GSE1: variants seen among roughly 807,000 people sequenced by gnomAD.
GSE1 encodes the protein Gse1 coiled-coil protein.
GSE1 carries 32 observed loss-of-function variants against 112.6 expected under a neutral mutation model. The ratio of observed to expected loss-of-function variants is 0.28; its 90% CI spans 0.21 to 0.38. GSE1 has a LOEUF of 0.38. GSE1 is among the 10% of genes least tolerant of loss of function. The pLI is 1.00. For missense variants in GSE1, 2,348 were observed against 1,699.2 expected, an observed-to-expected ratio of 1.38 and a Z score of -6.71; for synonymous variants, 1,115 against 735.6, an observed-to-expected ratio of 1.52 and a Z score of -8.35.
At position 85,586,488 on chromosome 16, in the gene GSE1, C is replaced by T. The variant is rs1287357654; in HGVS notation, c.37+30125C>T. 6.6e-5 allele frequency among the ~76,000 whole-genome samples: 10 copies of T among 152,206 alleles called. No homozygotes were observed. The East Asian group carries it at 7.7e-4, about 12-fold the overall frequency. On this transcript the variant is annotated intron_variant, in intron 1 of 2. Coordinates refer to the GSE1 transcript ENST00000635906. ...CTGTTTCATGAGCGTCATCATCGGT[C>T]GGCCCTGGTATGTTTGTTCTTCCAG...
chr16:85,217,225 G>A (rs2075319306), intron 1 of GSE1, among the ~76,000 whole-genome samples: 1 of 152,252 alleles, frequency 6.6e-6, no homozygotes, highest in African/African-American at 2.4e-5. Context: ...AGCAAATGCT[G>A]CACATTGGGA....
chr16:85,559,825 G>A (rs1265126172), intron 1 of GSE1, among the ~76,000 whole-genome samples: 1 of 152,226 alleles, frequency 6.6e-6, no homozygotes, highest in Non-Finnish European at 1.5e-5. Context: ...TTGGCACACA[G>A]CCACGCCTGT....
At chr16:85,669,906 G>A (rs957081279) in intron 14 of GSE1, among the ~76,000 whole-genome samples, 32 of 152,140 alleles carry the variant, frequency 2.1e-4, no homozygotes, top group African/African-American at 6.5e-4. Flanking sequence ...CATGACCTGC[G>A]CTGACCCCCT....
At chr16:85,275,875 C>T (rs904917375) in intron 1 of GSE1, among the ~76,000 whole-genome samples, 9 of 152,220 alleles carry the variant, frequency 5.9e-5, no homozygotes, top group African/African-American at 1.7e-4. Flanking sequence ...TGCCTGTTGG[C>T]GGTCTCTGCT....
At chr16:85,620,840 T>C (rs1284822649) in intron 1 of GSE1, among the ~76,000 whole-genome samples, 2 of 151,996 alleles carry the variant, frequency 1.3e-5, no homozygotes, top group Non-Finnish European at 2.9e-5. Flanking sequence ...GCCGTGTAGA[T>C]GGTCTTGGCC....
chr16:85,344,463 T>G (rs1046223004), intron 1 of GSE1, among the ~76,000 whole-genome samples: 5 of 152,190 alleles, frequency 3.3e-5, no homozygotes, highest in African/African-American at 1.2e-4. Flanking sequence ...GCTGCCCTCC[T>G]GAGAAGCTGT....
chr16:85,234,193 A>G (rs1904363601), intron 1 of GSE1, among the ~76,000 whole-genome samples: 1 of 151,990 alleles, frequency 6.6e-6, no homozygotes, highest in Non-Finnish European at 1.5e-5. Context: ...GCCCTCCTAT[A>G]TTTGCCCCTT....
intron 1 of GSE1, among the ~76,000 whole-genome samples, chr16:85,598,181 T>G (rs2047316788): frequency 1.4e-5 from 2 of 147,444 alleles, no homozygotes; most frequent in South Asian, 2.2e-4. Flanking sequence ...TTTTTTTTTT[T>G]TTTTTTTTTT....
intron 1 of GSE1, among the ~76,000 whole-genome samples, chr16:85,304,605 GGGGT>G (rs2045620001): frequency 7.7e-6 from 1 of 130,058 alleles, no homozygotes; most frequent in African/African-American, 3.1e-5. Flanking sequence ...CGGGGGCGGG[GGGGT>G]GGGGCATCCC....
At chr16:85,325,987 T>C (rs2046219536) in intron 1 of GSE1, among the ~76,000 whole-genome samples, 1 of 152,114 alleles carries the variant, frequency 6.6e-6, no homozygotes, top group African/African-American at 2.4e-5. Flanking sequence ...GACCTCATGA[T>C]CCACCCGCCT....
chr16:85,647,124 C>T (rs1390118849), intron 2 of GSE1, among the ~76,000 whole-genome samples: 3 of 152,214 alleles, frequency 2.0e-5, no homozygotes, highest in Non-Finnish European at 2.9e-5. Context: ...TCCCCGTCCT[C>T]CCCGGTCCAA....
chr16:85,281,634 C>T (rs2151423899), intron 1 of GSE1, among the ~76,000 whole-genome samples: 1 of 152,252 alleles, frequency 6.6e-6, no homozygotes, highest in South Asian at 2.1e-4. Flanking sequence ...AAAGAGAAAA[C>T]CCTAGAAGAA....
chr16:85,476,761 A>C (rs1597875921), intron 2 of GSE1, among the ~76,000 whole-genome samples: 1 of 142,296 alleles, frequency 7.0e-6, no homozygotes, highest in South Asian at 2.3e-4. Flanking sequence ...GGCGTGCACC[A>C]CCACGCCTGA....
chr16:85,613,247 G>C (rs1490394571), upstream of GSE1: 5 of 1,521,458 alleles, frequency 3.3e-6, no homozygotes, highest in South Asian at 1.2e-5. Flanking sequence ...GGTGTTTCTT[G>C]GCCGGGGCCC....
chr16:85,654,973 T>G lies in GSE1; in HGVS notation c.779T>G (p.Phe260Cys), dbSNP rs1326829963. The part of the protein sequence containing the change: ...YHPSYLAPHP[F>C]PHPAFRMDDS... ...CCCAGCTACCTGGCCCCACACCCCT[T>G]CCCCCACCCGGCCTTCAGGTGAGGC... is the stretch of plus-strand genomic sequence containing the variant. The change falls in exon 5 of 16, where the codon TTC becomes TGC. Residue 260 changes from phenylalanine to cysteine, a missense_variant. Coordinates refer to ENST00000253458, the MANE Select transcript of GSE1 (RefSeq NM_014615.5). 1 of 1,597,070 alleles carries G rather than the reference T, an allele frequency of 6.3e-7. No individual in the cohort carries two copies. The highest frequency in any genetic ancestry group is 1.1e-5 in the South Asian group (1 of 89,636).
At chr16:85,211,437 G>A (rs1336590178) in intron 1 of GSE1, among the ~76,000 whole-genome samples, 6 of 152,166 alleles carry the variant, frequency 3.9e-5, no homozygotes, top group Admixed American at 3.3e-4. Flanking sequence ...TGGGTGGAGT[G>A]TGAGAACTGC....
chr16:85,624,586 T>A (rs2048947726), intron 1 of GSE1, among the ~76,000 whole-genome samples: 1 of 152,118 alleles, frequency 6.6e-6, no homozygotes, highest in South Asian at 2.1e-4. Context: ...CTTCGCACAT[T>A]AAAGGGAAGC....
At chr16:85,669,952 T>G (rs964485864) in intron 14 of GSE1, among the ~76,000 whole-genome samples, 2 of 152,274 alleles carry the variant, frequency 1.3e-5, no homozygotes, top group African/African-American at 4.8e-5. Flanking sequence ...TTTTAGCCCA[T>G]GGCTTTCCCC....
intron 1 of GSE1, among the ~76,000 whole-genome samples, chr16:85,587,577 G>T (rs996528602): frequency 6.6e-6 from 1 of 152,102 alleles, no homozygotes; most frequent in African/African-American, 2.4e-5. Context: ...GATCCTGGGC[G>T]AGGTGGGGGC....
Sources: allele counts gnomAD v4.1 joint callset (sites outside exome capture counted in the v4.1 genomes callset), GRCh38; gene constraint gnomAD v4.1.1; transcripts MANE v1.5; gene names NCBI Gene and HGNC (gene_info 2026-07-23, HGNC 2026-07-21).